Variants in AGMO observed in about 807,000 individuals in gnomAD.
AGMO encodes the protein glyceryl-ether monooxygenase.
In AGMO, 75 loss-of-function variants were observed where a neutral mutation model predicts 60.2. That is an observed-to-expected ratio of 1.25 (90% CI 1.03 to 1.51). AGMO has a LOEUF of 1.51. AGMO is among the 40% of genes most tolerant of loss of function. The pLI, the probability that AGMO is intolerant of heterozygous loss-of-function variation, is 0.00. For synonymous variants in AGMO, 261 were observed against 177.1 expected, an observed-to-expected ratio of 1.47 and a Z score of -3.76; for missense variants, 763 against 525.5, an observed-to-expected ratio of 1.45 and a Z score of -4.42.
intron 5 of AGMO, among the ~76,000 whole-genome samples, chr7:15,407,232 C>CATATAT (rs60144769): frequency 0.022 from 2,882 of 132,124 alleles, 114 homozygotes; most frequent in African/African-American, 0.07. Flanking sequence ...CTTTGGAATA[C>CATATAT]ATATATATAT....
At chr7:15,180,548 T>G in the AGMO span, among the ~76,000 whole-genome samples, 3 of 152,086 alleles carry the variant, frequency 2.0e-5, no homozygotes, top group African/African-American at 7.2e-5. Flanking sequence ...ATTTTGGCCA[T>G]GACCACTTAA....
At chr7:15,371,191 A>G (rs376384664) in intron 10 of AGMO, among the ~76,000 whole-genome samples, 5 of 152,220 alleles carry the variant, frequency 3.3e-5, no homozygotes, top group East Asian at 1.9e-4. Flanking sequence ...CAATTAATCA[A>G]TAATTTAATA....
chr7:15,524,901 T>C (rs1583644744), intron 3 of AGMO, among the ~76,000 whole-genome samples: 1 of 151,670 alleles, frequency 6.6e-6, no homozygotes, highest in Non-Finnish European at 1.5e-5. Context: ...TTTGTATGTC[T>C]TTGTTTATTT....
chr7:15,360,711 A>T (rs1782719028), intron 12 of AGMO, among the ~76,000 whole-genome samples: 1 of 152,036 alleles, frequency 6.6e-6, no homozygotes, highest in Non-Finnish European at 1.5e-5. Flanking sequence ...TATTTATTGA[A>T]AAAAAAATCC....
At chr7:15,184,047 TATTTA>T in the AGMO span, among the ~76,000 whole-genome samples, 7 of 151,930 alleles carry the variant, frequency 4.6e-5, no homozygotes, top group African/African-American at 1.7e-4. Context: ...AGCACCCTTT[TATTTA>T]ATTTAATCTC....
At chr7:15,549,200 C>A (rs995919935) in intron 2 of AGMO, among the ~76,000 whole-genome samples, 29 of 142,852 alleles carry the variant, frequency 2.0e-4, no homozygotes, top group African/African-American at 7.2e-4. Flanking sequence ...CGGTACCAGC[C>A]GCTGCAAAAT....
At chr7:15,309,838 C>A (rs1780718267) in intron 12 of AGMO, among the ~76,000 whole-genome samples, 1 of 152,052 alleles carries the variant, frequency 6.6e-6, no homozygotes, top group Non-Finnish European at 1.5e-5. Flanking sequence ...AACATTGTTC[C>A]CCATCTTTAA....
intron 12 of AGMO, among the ~76,000 whole-genome samples, chr7:15,294,280 G>A (rs1357103992): frequency 6.6e-6 from 1 of 151,830 alleles, no homozygotes; most frequent in Admixed American, 6.6e-5. Flanking sequence ...GCTATAACAT[G>A]CTAGAAATAT....
chr7:15,309,611 T>C (rs900187439), intron 12 of AGMO, among the ~76,000 whole-genome samples: 2 of 152,186 alleles, frequency 1.3e-5, no homozygotes, highest in Non-Finnish European at 2.9e-5. Flanking sequence ...TCCCTAATTA[T>C]TAGTTTTCTA....
chr7:15,493,334 A>AACACACACAC (rs144549105), intron 3 of AGMO, among the ~76,000 whole-genome samples: 5,082 of 70,332 alleles, frequency 0.072, 353 homozygotes, highest in African/African-American at 0.12. Flanking sequence ...AAACACACAA[A>AACACACACAC]ACACACACAC....
chr7:15,335,458 G>GA (rs1781628458), intron 12 of AGMO, among the ~76,000 whole-genome samples: 1 of 152,152 alleles, frequency 6.6e-6, no homozygotes, highest in African/African-American at 2.4e-5. Context: ...TACTTTTTTA[G>GA]AAAGGTCGAC....
chr7:15,515,172 C>A (rs1783776494), intron 3 of AGMO, among the ~76,000 whole-genome samples: 1 of 152,178 alleles, frequency 6.6e-6, no homozygotes, highest in Non-Finnish European at 1.5e-5. Flanking sequence ...TGAGGAATCA[C>A]TTCTGTCTGT....
the AGMO span, among the ~76,000 whole-genome samples, chr7:15,143,430 C>T: frequency 3.4e-4 from 52 of 152,278 alleles, no homozygotes; most frequent in Middle Eastern, 3.4e-3. Context: ...TTCTCAAATT[C>T]CTTCCCTTTA....
At chr7:15,444,901 T>C (rs993625678) in intron 3 of AGMO, among the ~76,000 whole-genome samples, 1 of 152,206 alleles carries the variant, frequency 6.6e-6, no homozygotes. Context: ...TGTTTTACTT[T>C]CTTGCTTAAT....
intron 4 of AGMO, among the ~76,000 whole-genome samples, chr7:15,419,482 C>T (rs1012536697): frequency 6.6e-6 from 1 of 151,938 alleles, no homozygotes; most frequent in Admixed American, 6.6e-5. Context: ...GTTTATACTT[C>T]TGAAAGACTG....
At chr7:15,289,172 T>C (rs1439162898) in intron 12 of AGMO, among the ~76,000 whole-genome samples, 1 of 152,148 alleles carries the variant, frequency 6.6e-6, no homozygotes, top group East Asian at 1.9e-4. Context: ...ACTTGTTTCA[T>C]AATTTAAATC....
At chr7:15,299,212 C>G (rs953127063) in intron 12 of AGMO, among the ~76,000 whole-genome samples, 2 of 151,996 alleles carry the variant, frequency 1.3e-5, no homozygotes, top group African/African-American at 2.4e-5. Flanking sequence ...TCAGTTATCT[C>G]ATCTGTATAA....
intron 3 of AGMO, among the ~76,000 whole-genome samples, chr7:15,520,577 AC>A (rs1400817277): frequency 6.6e-6 from 1 of 152,214 alleles, no homozygotes; most frequent in Non-Finnish European, 1.5e-5. Flanking sequence ...TGGAAACCGA[AC>A]AAGCTGCTCC....
intron 12 of AGMO, among the ~76,000 whole-genome samples, chr7:15,220,614 T>A (rs1482263341): frequency 1.3e-5 from 2 of 151,988 alleles, no homozygotes; most frequent in Non-Finnish European, 2.9e-5. Flanking sequence ...GACACAGTGA[T>A]AATAATATTT....
Sources: allele counts gnomAD v4.1 joint callset (sites outside exome capture counted in the v4.1 genomes callset), GRCh38; gene constraint gnomAD v4.1.1; transcripts MANE v1.5; gene names NCBI Gene and HGNC (gene_info 2026-07-23, HGNC 2026-07-21).